CEPT1: variants seen among roughly 807,000 people sequenced by gnomAD.
CEPT1 encodes the protein choline/ethanolamine phosphotransferase 1, also known as choline/ethanolaminephosphotransferase 1.
CEPT1 carries 7 observed loss-of-function variants against 42.6 expected under a neutral mutation model. That is an observed-to-expected ratio of 0.16 (90% CI 0.09 to 0.31). The LOEUF (loss-of-function observed/expected upper bound fraction) is 0.31. Ranked by LOEUF, CEPT1 falls within the 10% of genes least tolerant of loss-of-function variation. The pLI, the probability that CEPT1 is intolerant of heterozygous loss-of-function variation, is 1.00. For synonymous variants in CEPT1, 171 were observed against 171.9 expected (o/e 0.99, Z 0.04); for missense variants, 306 against 502.1 (o/e 0.61, Z 3.73).
chr1:111,184,339 G>T lies in CEPT1; in HGVS notation c.*29G>T. On this transcript the variant is annotated 3_prime_UTR_variant, in exon 9 of 9. Transcript: ENST00000357172. The stretch of plus-strand genomic sequence containing the variant: ...TGTAATTGGTATATAGGAACATCAT[G>T]TTTTCTGCAGGAAAGAAAGTAACAT... 1.3e-6 allele frequency: 2 copies of T among 1,568,492 alleles called. No individual in the cohort carries two copies. Among genetic ancestry groups the T allele is most frequent in the East Asian group, 2.3e-5 (1 of 44,090 alleles).
chr1:111,154,994 G>T (rs535703325), intron 2 of CEPT1, among the ~76,000 whole-genome samples: 1 of 152,122 alleles, frequency 6.6e-6, no homozygotes, highest in African/African-American at 2.4e-5. Context: ...GGTAATGCTG[G>T]TTTCGTAGAA....
intron 5 of CEPT1, chr1:111,180,116 C>T (rs1190293058): frequency 6.6e-6 from 1 of 152,172 alleles, no homozygotes; most frequent in Middle Eastern, 3.2e-3. Flanking sequence ...ACAGTTATGA[C>T]TCTCATTCAG....
chr1:111,149,266 C>CTTTTTTTTTTTTTTTTTTTTTTTTTTT (rs775722606), intron 2 of CEPT1, among the ~76,000 whole-genome samples: 4 of 127,946 alleles, frequency 3.1e-5, no homozygotes, highest in Non-Finnish European at 6.4e-5. Context: ...GGTTTCTCCT[C>CTTTTTTTTTTTTTTTTTTTTTTTTTTT]TTTTTTTTTT....
chr1:111,171,956 C>T (rs556116754), intron 4 of CEPT1, among the ~76,000 whole-genome samples: 4 of 152,208 alleles, frequency 2.6e-5, no homozygotes, highest in African/African-American at 9.6e-5. Context: ...AGGCTGGTCT[C>T]AAACTCCCTA....
intron 4 of CEPT1, chr1:111,173,295 C>T (rs1415435038): frequency 6.6e-6 from 1 of 151,904 alleles, no homozygotes; most frequent in Non-Finnish European, 1.5e-5. Flanking sequence ...TAATTCAGTC[C>T]ATTTTTTTTT....
chr1:111,167,857 C>A, intron 4 of CEPT1: 2 of 658,152 alleles, frequency 3.0e-6, no homozygotes, highest in Non-Finnish European at 1.9e-6. Flanking sequence ...ATACATATTT[C>A]TCTAATGTAC....
At position 111,150,645 on chromosome 1, in the gene CEPT1, T is replaced by C. The variant is rs549088047; in HGVS notation, c.339+2592T>C. The stretch of plus-strand genomic sequence containing the variant: ...CCCATATATTTTTTATGTTACTGAT[T>C]TTTTAAAAAATGTATTAGAGTTTCA... On this transcript the variant is annotated intron_variant, in intron 2 of 8. Transcript: ENST00000357172. Among the ~76,000 whole-genome samples the C allele has an allele frequency of 2.0e-5, 3 of 152,278 alleles. No homozygotes were observed. The East Asian group carries it at 5.8e-4, about 29-fold the overall frequency.
chr1:111,160,970 A>T, intron 3 of CEPT1, 185 bp from the exon 4 acceptor site: 5 of 596,572 alleles, frequency 8.4e-6, no homozygotes, highest in Non-Finnish European at 1.1e-5. Flanking sequence ...AAAAAAAAAA[A>T]GAGAGATTGA....
At position 111,147,728 on chromosome 1, in the gene CEPT1, G is replaced by T. The variant is rs371497275; in HGVS notation, c.14G>T (p.Arg5Leu). 1.2e-6 allele frequency: 2 copies of T among 1,607,192 alleles called. No homozygotes were observed. Among genetic ancestry groups the T allele is most frequent in the East Asian group, 2.2e-5 (1 of 44,770 alleles). MSGHRSTRKRCGDSH... is the reference protein window; with the variant it reads MSGHLSTRKRCGDSH... Reference sequence around the variant, plus strand: ...AAAACAAGATCCATGAGTGGGCATCGATCAACAAGGAAAAGATGTGGAGAT... The same window carrying T: ...AAAACAAGATCCATGAGTGGGCATCTATCAACAAGGAAAAGATGTGGAGAT... The change falls in exon 2 of 9, where the codon CGA becomes CTA. Residue 5 changes from arginine to leucine, a missense_variant. Arg to Leu is a moderately radical substitution (Grantham distance 102). This residue lies in a region of CEPT1 where 53 missense variants were observed against 54.8 expected (regional missense o/e 0.97). Transcript: ENST00000357172.
At chr1:111,170,331 CTT>C (rs1048921867) in intron 4 of CEPT1, among the ~76,000 whole-genome samples, 10 of 152,040 alleles carry the variant, frequency 6.6e-5, no homozygotes, top group African/African-American at 2.4e-4. Flanking sequence ...TGGGCTTTTT[CTT>C]TTTAGTCTTC....
chr1:111,181,842 C>T (rs1389062590), intron 5 of CEPT1: 1 of 158,086 alleles, frequency 6.3e-6, no homozygotes, highest in African/African-American at 2.4e-5. Flanking sequence ...AGGGTGCACT[C>T]CTTTTATTAA....
chr1:111,154,040 G>C (rs1019461769), intron 2 of CEPT1, among the ~76,000 whole-genome samples: 23 of 151,834 alleles, frequency 1.5e-4, no homozygotes, highest in African/African-American at 5.6e-4. Flanking sequence ...AGATTGCTTT[G>C]GGTAGTATGG....
At chr1:111,150,840 C>T (rs1655232036) in intron 2 of CEPT1, among the ~76,000 whole-genome samples, 1 of 152,056 alleles carries the variant, frequency 6.6e-6, no homozygotes. Flanking sequence ...ATATGGAGAG[C>T]CAAAATTTCC....
intron 5 of CEPT1, among the ~76,000 whole-genome samples, 188 bp downstream of exon 5, chr1:111,175,151 A>G (rs1279891869): frequency 6.6e-6 from 1 of 152,208 alleles, no homozygotes; most frequent in African/African-American, 2.4e-5. Context: ...CGTTAGGACT[A>G]TTCCAGGGCT....
Position 111,174,924 on chromosome 1 carries a change from G to T in CEPT1, c.675G>T (p.Leu225Phe), listed in dbSNP as rs1043926228. The T allele has an allele frequency of 3.1e-6, 5 of 1,613,018 alleles. No homozygotes were observed. The African/African-American group carries it at 5.3e-5, about 17-fold the overall frequency. The change falls in exon 5 of 9, where the codon TTG (leucine) becomes TTT (phenylalanine). Residue 225 changes from leucine (L) to phenylalanine (F), a missense_variant. By Grantham distance (22) the Leu-to-Phe change is conservative (BLOSUM62 0). This residue lies in a region of CEPT1 where 253 missense variants were observed against 447.3 expected (regional missense o/e 0.57). Coordinates refer to ENST00000357172, the MANE Select transcript of CEPT1 (RefSeq NM_006090.5). ...EVQIFIIIMH[L>F]LAVIGGPPFW... ...AAATCTTCATAATAATCATGCATTT[G>T]CTGGCAGTGATTGGAGGACCACCTT...
intron 4 of CEPT1, chr1:111,167,387 A>C: frequency 1.1e-6 from 1 of 932,056 alleles, no homozygotes. Flanking sequence ...TAAAATTTTT[A>C]AAAAGTGGTA....
At chr1:111,181,110 AC>A (rs1656956432) in intron 5 of CEPT1, 1 of 152,178 alleles carries the variant, frequency 6.6e-6, no homozygotes, top group Non-Finnish European at 1.5e-5. Flanking sequence ...GTTGCAGTAA[AC>A]CAGGATCACA....
chr1:111,176,999 A>G (rs1346244582), intron 5 of CEPT1, among the ~76,000 whole-genome samples: 4 of 152,270 alleles, frequency 2.6e-5, no homozygotes, highest in Admixed American at 2.6e-4. Context: ...GAGCAGCACA[A>G]TAGCATCACC....
rs1014207110 is a variant in CEPT1 at position 111,183,103 on chromosome 1, ATT to A, written c.1005+150_1005+151del. 3 of 810,616 alleles carry A rather than the reference ATT, an allele frequency of 3.7e-6. No homozygotes were observed. In the African/African-American group the frequency reaches 5.2e-5, roughly 14 times the overall value. 50.2% of individuals were successfully genotyped at this position (810,616 alleles called of 1,614,324 possible). On this transcript the variant is annotated intron_variant, in intron 7 of 8. Transcript: ENST00000357172. ...ATCTCTTGATATCAACATGGGAACT[ATT>A]TTTACTCTTTTGTGAAGCTACAATT...
Sources: allele counts gnomAD v4.1 joint callset (sites outside exome capture counted in the v4.1 genomes callset), GRCh38; gene constraint gnomAD v4.1.1; regional missense constraint gnomAD v4.1.1; transcripts MANE v1.5; gene names NCBI Gene and HGNC (gene_info 2026-07-23, HGNC 2026-07-21).